METAP1D: variants seen among roughly 807,000 people sequenced by gnomAD.
METAP1D encodes the protein methionyl aminopeptidase type 1D, mitochondrial, also known as methionine aminopeptidase 1D, mitochondrial.
METAP1D carries 31 observed loss-of-function variants against 40.5 expected under a neutral mutation model. That is an observed-to-expected ratio of 0.77 (90% CI 0.58 to 1.03). The LOEUF is 1.03. Ranked by LOEUF, METAP1D falls within the 50% of genes least tolerant of loss-of-function variation. The pLI, the probability that METAP1D is intolerant of heterozygous loss-of-function variation, is 0.00. For missense variants in METAP1D, 411 were observed against 420.7 expected (o/e 0.98, Z 0.20); for synonymous variants, 151 against 146.4 (o/e 1.03, Z -0.22).
rs748642817 is a variant in METAP1D at position 172,080,408 on chromosome 2, G to C, written c.*2G>C. On this transcript the variant is annotated 3_prime_UTR_variant, in exon 10 of 10. Transcript: ENST00000315796. ...ACCAAACTACCCCATGAGGCCTGAG[G>C]AGCCGCCCGAAGGTCGCGGTGACCT... 23 of 1,613,870 alleles carry C rather than the reference G, an allele frequency of 1.4e-5. No homozygotes were observed. The highest frequency in any genetic ancestry group is 1.8e-5 in the Non-Finnish European group (21 of 1,179,896).
Position 172,042,514 on chromosome 2 carries a change from T to C in METAP1D, c.41-18984T>C, listed in dbSNP as rs1162183012. On this transcript the variant is annotated intron_variant, in intron 1 of 9. Transcript: ENST00000315796. ...GTACATATATACATATATACATATG[T>C]ATGTGTACATGTGTACATATATACA... Among the ~76,000 whole-genome samples, 2 of 47,992 alleles carry C rather than the reference T, an allele frequency of 4.2e-5. 1 individual carries two copies. Among genetic ancestry groups the C allele is most frequent in the East Asian group, 3.4e-3 (2 of 596 alleles). 31.5% of individuals were successfully genotyped at this position (47,992 alleles called of 152,430 possible). A position where few individuals can be genotyped will look rare whatever the true frequency, so the allele number is the denominator to read the frequency against.
intron 1 of METAP1D, among the ~76,000 whole-genome samples, chr2:172,036,708 T>C (rs1004449430): frequency 5.9e-5 from 9 of 152,120 alleles, no homozygotes; most frequent in Non-Finnish European, 1.3e-4. Flanking sequence ...GTATGTCTTT[T>C]GGATGCACTT....
chr2:172,075,808 A>G (rs1248996397), intron 6 of METAP1D, among the ~76,000 whole-genome samples: 1 of 152,226 alleles, frequency 6.6e-6, no homozygotes, highest in Non-Finnish European at 1.5e-5. Flanking sequence ...AGAGTCAGGC[A>G]TTAAGATGTG....
chr2:172,037,956 A>T (rs975293259), intron 1 of METAP1D, among the ~76,000 whole-genome samples: 6 of 152,200 alleles, frequency 3.9e-5, no homozygotes, highest in Non-Finnish European at 7.3e-5. Context: ...TGGGGCTGGT[A>T]CAGCTATTAC....
intron 8 of METAP1D, 79 bp downstream of exon 8, chr2:172,079,341 G>C: frequency 7.6e-7 from 1 of 1,315,446 alleles, no homozygotes; most frequent in Non-Finnish European, 1.1e-6. Context: ...CGGCAGTCCG[G>C]TGAAGGACCA....
intron 5 of METAP1D, among the ~76,000 whole-genome samples, chr2:172,066,618 C>T (rs938672710): frequency 1.1e-4 from 16 of 152,192 alleles, no homozygotes; most frequent in African/African-American, 2.9e-4. Context: ...GTGTAGTTAA[C>T]GCAGAGCACC....
Position 172,080,524 on chromosome 2 carries a change from C to T in METAP1D, c.*118C>T. ...CGGTGGTGCGGTAACCTGCGTGGCTCCTGATAGCGTTTGGAAGAACGCGGG... is the reference window on the plus strand; with the variant it reads ...CGGTGGTGCGGTAACCTGCGTGGCTTCTGATAGCGTTTGGAAGAACGCGGG... On this transcript the variant is annotated 3_prime_UTR_variant, in exon 10 of 10. Coordinates refer to ENST00000315796, the MANE Select transcript of METAP1D (RefSeq NM_199227.3). 1 of 1,071,920 alleles carries T rather than the reference C, an allele frequency of 9.3e-7. No homozygotes were observed. Among genetic ancestry groups the T allele is most frequent in the South Asian group, 1.3e-5 (1 of 74,558 alleles). The allele number at this position is 1,071,920 out of a possible 1,614,324, so 66.4% of individuals were successfully genotyped here. A position where few individuals can be genotyped will look rare whatever the true frequency, so the allele number is the denominator to read the frequency against.
intron 1 of METAP1D, among the ~76,000 whole-genome samples, chr2:172,039,524 A>G (rs1477343463): frequency 6.6e-6 from 1 of 152,222 alleles, no homozygotes; most frequent in African/African-American, 2.4e-5. Flanking sequence ...GTATTTTCAC[A>G]AAAGAACAGT....
Position 172,045,517 on chromosome 2 carries a change from C to T in METAP1D, c.41-15981C>T, listed in dbSNP as rs951094455. Among the ~76,000 whole-genome samples, 10 of 143,606 alleles carry T rather than the reference C, an allele frequency of 7.0e-5. 3 individuals carry two copies. The South Asian group carries it at 8.8e-4, about 13-fold the overall frequency. 94.2% of individuals were successfully genotyped at this position (143,606 alleles called of 152,430 possible). A position where few individuals can be genotyped will look rare whatever the true frequency, so the allele number is the denominator to read the frequency against. On this transcript the variant is annotated intron_variant, in intron 1 of 9. Coordinates refer to ENST00000315796, the MANE Select transcript of METAP1D (RefSeq NM_199227.3). ...CTCTACTAAAAAATATAAAATTAGC[C>T]GGGCGTGGTGGCGCACGCCTCTAAT...
At position 172,080,193 on chromosome 2, in the gene METAP1D, C is replaced by A; in HGVS notation, c.916C>A (p.Leu306Ile). Residue 306 changes from leucine (L) to isoleucine (I), a missense_variant, in exon 9 of 10, where the codon CTA (leucine) becomes ATA (isoleucine). Transcript: ENST00000315796. Reference sequence around the variant, plus strand: ...GGAGGATGCATGGACTGTGGTCTCCCTAGACAATCAAAGGTGTTTGCTTTC... The same window carrying A: ...GGAGGATGCATGGACTGTGGTCTCCATAGACAATCAAAGGTGTTTGCTTTC... The part of the protein sequence containing the change: ...VLEDAWTVVS[L>I]DNQRSAQFEH... 2 of 1,614,224 alleles carry A rather than the reference C, an allele frequency of 1.2e-6. 1 individual carries two copies. The highest frequency in any genetic ancestry group is 2.2e-5 in the South Asian group (2 of 91,088).
In METAP1D at chr2:172,071,001, G is replaced by A. The variant is rs1690407810; in HGVS notation, c.635G>A (p.Arg212Lys). ...CGKKLVEVAR[R>K]CRDEAIAACR... is the part of the protein sequence containing the mutation. ...AAAAAGTTAGTGGAGGTTGCCAGGA[G>A]GTGTAGAGATGAAGCAATTGCAGCT... Residue 212 changes from arginine (R) to lysine (K), a missense_variant, in exon 6 of 10, where the codon AGG becomes AAG. By Grantham distance (26) the Arg-to-Lys change is conservative. Transcript: ENST00000315796. The A allele has an allele frequency of 1.2e-6, 2 of 1,613,084 alleles. No homozygotes were observed. Among genetic ancestry groups the A allele is most frequent in the African/African-American group, 1.3e-5 (1 of 74,890 alleles).
intron 1 of METAP1D, among the ~76,000 whole-genome samples, chr2:172,059,162 G>A (rs1278797341): frequency 6.7e-6 from 1 of 149,372 alleles, no homozygotes; most frequent in Non-Finnish European, 1.5e-5. Context: ...AGGCTGGAGT[G>A]CAGTGGCGCG....
At chr2:172,011,323 C>T (rs1417564804) in intron 1 of METAP1D, among the ~76,000 whole-genome samples, 3 of 145,902 alleles carry the variant, frequency 2.1e-5, no homozygotes, top group East Asian at 2.0e-4. Flanking sequence ...CTCACTCTGT[C>T]GCCCAGGCTG....
At chr2:172,006,679 C>G (rs1688594183) in intron 1 of METAP1D, among the ~76,000 whole-genome samples, 1 of 152,054 alleles carries the variant, frequency 6.6e-6, no homozygotes, top group Non-Finnish European at 1.5e-5. Flanking sequence ...TCTTTTTTAG[C>G]TTTTGAACAT....
At chr2:172,016,330 T>TATATATATATAA (rs1553490411) in intron 1 of METAP1D, among the ~76,000 whole-genome samples, 1 of 75,848 alleles carries the variant, frequency 1.3e-5, no homozygotes, top group Non-Finnish European at 2.6e-5. Context: ...TATATATATA[T>TATATATATATAA]AAATAGTCCA....
rs1689764239 is a variant in METAP1D, at chr2:172,046,297, A to G, written c.41-15201A>G. 4.6e-5 allele frequency among the ~76,000 whole-genome samples: 7 copies of G among 151,898 alleles called. No individual in the cohort carries two copies. The South Asian group carries it at 1.5e-3, about 32-fold the overall frequency. On this transcript the variant is annotated intron_variant, in intron 1 of 9. Coordinates refer to ENST00000315796, the MANE Select transcript of METAP1D (RefSeq NM_199227.3). ...TTTTTTCATTTTAGCTGTCTGGATG[A>G]TTAATGTGACTAGGAAAATACTGTT...
At chr2:172,029,923 T>G (rs1280374321) in intron 1 of METAP1D, among the ~76,000 whole-genome samples, 1 of 151,818 alleles carries the variant, frequency 6.6e-6, no homozygotes, top group Non-Finnish European at 1.5e-5. Flanking sequence ...ATCCAGCTAA[T>G]TTTTGTATTT....
chr2:172,003,374 G>A (rs748443873), intron 1 of METAP1D, among the ~76,000 whole-genome samples: 3 of 152,258 alleles, frequency 2.0e-5, no homozygotes, highest in Admixed American at 6.5e-5. Context: ...GGTCTAGCTC[G>A]GGCCACGAAG....
chr2:172,018,161 C>T (rs560691868), intron 1 of METAP1D, among the ~76,000 whole-genome samples: 1 of 143,946 alleles, frequency 6.9e-6, no homozygotes, highest in South Asian at 2.2e-4. Context: ...AATTGCAAAA[C>T]TGAAGTAAAA....
Sources: allele counts gnomAD v4.1 joint callset (sites outside exome capture counted in the v4.1 genomes callset), GRCh38; gene constraint gnomAD v4.1.1; transcripts MANE v1.5; gene names NCBI Gene and HGNC (gene_info 2026-07-23, HGNC 2026-07-21).